Variants in FRMD4A observed in about 807,000 individuals in gnomAD.
The protein encoded by FRMD4A is FERM domain containing 4A.
FRMD4A carries 29 observed loss-of-function variants against 129.1 expected under a neutral mutation model. The observed-to-expected ratio is 0.22, with a 90% CI of 0.17 to 0.31. The LOEUF is 0.31. Among genes scored for constraint, FRMD4A ranks in the 10% least tolerant of loss-of-function variants. The pLI, the probability that FRMD4A is intolerant of heterozygous loss-of-function variation, is 1.00. For synonymous variants in FRMD4A, 634 were observed against 571.6 expected (o/e 1.11, Z -1.56); for missense variants, 1,272 against 1,375.8 (o/e 0.92, Z 1.19).
chr10:14,055,059 A>C (rs1174963966), intron 2 of FRMD4A, among the ~76,000 whole-genome samples: 2 of 152,208 alleles, frequency 1.3e-5, no homozygotes, highest in Non-Finnish European at 1.5e-5. Context: ...CCTGTATCTC[A>C]AAGCCACTTT....
chr10:13,972,674 A>C (rs908460967), intron 2 of FRMD4A, among the ~76,000 whole-genome samples: 2 of 152,170 alleles, frequency 1.3e-5, no homozygotes, highest in African/African-American at 4.8e-5. Context: ...TTGGAATTTC[A>C]TAAGTTGTTT....
chr10:13,910,077 C>T (rs149791100), intron 2 of FRMD4A, among the ~76,000 whole-genome samples: 89 of 152,336 alleles, frequency 5.8e-4, no homozygotes, highest in African/African-American at 2.0e-3. Context: ...TCCTGTTTCA[C>T]GGCTTTGTAA....
At chr10:13,748,313 A>C (rs2091401219) in intron 8 of FRMD4A, among the ~76,000 whole-genome samples, 1 of 152,226 alleles carries the variant, frequency 6.6e-6, no homozygotes, top group African/African-American at 2.4e-5. Flanking sequence ...TACGTTGACC[A>C]CATGCTGGAA....
chr10:13,794,002 G>A (rs571898814), intron 5 of FRMD4A, among the ~76,000 whole-genome samples: 1 of 152,122 alleles, frequency 6.6e-6, no homozygotes, highest in Non-Finnish European at 1.5e-5. Flanking sequence ...GGACCCTGGT[G>A]ATGAGCCCCA....
chr10:14,063,409 T>C (rs1834908474), intron 2 of FRMD4A, among the ~76,000 whole-genome samples: 1 of 152,202 alleles, frequency 6.6e-6, no homozygotes, highest in African/African-American at 2.4e-5. Flanking sequence ...TATTATGTTA[T>C]TGTTCTCTTG....
intron 2 of FRMD4A, among the ~76,000 whole-genome samples, chr10:13,914,833 G>C (rs578114573): frequency 4.8e-4 from 73 of 152,236 alleles, no homozygotes; most frequent in Non-Finnish European, 9.0e-4. Context: ...CTGGGCAACA[G>C]AGTGAGACCC....
intron 2 of FRMD4A, among the ~76,000 whole-genome samples, chr10:13,955,305 G>A (rs1025832130): frequency 8.6e-5 from 13 of 151,786 alleles, no homozygotes; most frequent in African/African-American, 1.9e-4. Context: ...ACGGGGTTTC[G>A]CCATGTTGGC....
intron 8 of FRMD4A, 58 bp downstream of exon 8, chr10:13,761,589 T>C: frequency 7.9e-7 from 1 of 1,260,446 alleles, no homozygotes; most frequent in Middle Eastern, 2.1e-4. Context: ...TAGTTTCTTT[T>C]AATAGAGAAG....
intron 2 of FRMD4A, among the ~76,000 whole-genome samples, chr10:13,917,624 C>G (rs1589265363): frequency 6.6e-6 from 1 of 152,118 alleles, no homozygotes; most frequent in Admixed American, 6.6e-5. Flanking sequence ...ACACACTGTA[C>G]TTTCATTCTC....
At chr10:14,166,235 A>C (rs1841170040) in intron 2 of FRMD4A, among the ~76,000 whole-genome samples, 1 of 150,882 alleles carries the variant, frequency 6.6e-6, no homozygotes, top group African/African-American at 2.4e-5. Context: ...TAATATATTA[A>C]GTTTCAATAC....
chr10:14,309,524 G>A (rs1284935753), intron 2 of FRMD4A, among the ~76,000 whole-genome samples: 1 of 152,094 alleles, frequency 6.6e-6, no homozygotes, highest in African/African-American at 2.4e-5. Flanking sequence ...CAGAGAATTA[G>A]AACTTCAGAG....
intron 2 of FRMD4A, among the ~76,000 whole-genome samples, 156 bp from the exon 3 acceptor site, chr10:13,859,068 C>T (rs963730419): frequency 1.3e-5 from 2 of 152,140 alleles, no homozygotes; most frequent in African/African-American, 4.8e-5. Flanking sequence ...AGGATCAGTT[C>T]ATTCATTCAT....
At chr10:13,983,420 G>A (rs910566500) in intron 2 of FRMD4A, among the ~76,000 whole-genome samples, 1 of 151,832 alleles carries the variant, frequency 6.6e-6, no homozygotes, top group Non-Finnish European at 1.5e-5. Flanking sequence ...CATCCTCCTA[G>A]GCCATGAAGG....
At chr10:13,773,479 A>G (rs1444158677) in intron 6 of FRMD4A, among the ~76,000 whole-genome samples, 1 of 152,236 alleles carries the variant, frequency 6.6e-6, no homozygotes, top group East Asian at 1.9e-4. Flanking sequence ...TTCTCTGAGG[A>G]ACTGAATGGA....
chr10:13,834,084 C>T (rs1588953006), intron 3 of FRMD4A, among the ~76,000 whole-genome samples: 1 of 152,020 alleles, frequency 6.6e-6, no homozygotes, highest in Non-Finnish European at 1.5e-5. Flanking sequence ...GCCAACATGG[C>T]GAAACCCTGT....
intron 2 of FRMD4A, among the ~76,000 whole-genome samples, chr10:14,183,175 T>A (rs1203903279): frequency 6.6e-6 from 1 of 152,236 alleles, no homozygotes; most frequent in Non-Finnish European, 1.5e-5. Flanking sequence ...TTAGACTCGA[T>A]TTTTCTTAAT....
intron 2 of FRMD4A, among the ~76,000 whole-genome samples, chr10:13,939,913 A>C (rs1235333967): frequency 6.6e-6 from 1 of 152,210 alleles, no homozygotes; most frequent in Non-Finnish European, 1.5e-5. Context: ...TAAAGTGCAA[A>C]GGGATACACA....
chr10:13,787,124 G>A (rs943986880), intron 5 of FRMD4A, among the ~76,000 whole-genome samples: 5 of 152,180 alleles, frequency 3.3e-5, no homozygotes, highest in South Asian at 4.2e-4. Context: ...GAAATAACAC[G>A]CATATTCTGA....
chr10:13,703,096 G>T (rs61690396), intron 13 of FRMD4A, among the ~76,000 whole-genome samples: 1,852 of 152,130 alleles, frequency 0.012, 51 homozygotes, highest in African/African-American at 0.042. Flanking sequence ...ATAAATGAAT[G>T]ACTTTTTTTT....
Sources: allele counts gnomAD v4.1 joint callset (sites outside exome capture counted in the v4.1 genomes callset), GRCh38; gene constraint gnomAD v4.1.1; transcripts MANE v1.5; gene names NCBI Gene and HGNC (gene_info 2026-07-23, HGNC 2026-07-21).